PCDHAC1: variants seen among roughly 807,000 people sequenced by gnomAD.
PCDHAC1 encodes protocadherin alpha-C1.
A neutral mutation model predicts 60.0 loss-of-function variants in PCDHAC1; 42 were observed. The ratio of observed to expected loss-of-function variants is 0.70; its 90% CI spans 0.55 to 0.90. The LOEUF is 0.90. Among genes scored for constraint, PCDHAC1 ranks in the 40% least tolerant of loss-of-function variants. The probability of loss-of-function intolerance (pLI) is 0.00; values close to 1 mark genes in which losing one functional copy is unlikely to be tolerated. For synonymous variants in PCDHAC1, 468 were observed against 499.3 expected (o/e 0.94, Z 0.84); for missense variants, 1,160 against 1,222.3 (o/e 0.95, Z 0.76).
At chr5:140,972,316 G>T (rs2096531069) in intron 1 of PCDHAC1, among the ~76,000 whole-genome samples, 2 of 139,864 alleles carry the variant, frequency 1.4e-5, no homozygotes, top group South Asian at 2.3e-4. Flanking sequence ...GTTTTTAGGT[G>T]TTTTTTTTTT....
chr5:140,988,658 T>C (rs1470835683), intron 3 of PCDHAC1, among the ~76,000 whole-genome samples: 7 of 152,232 alleles, frequency 4.6e-5, no homozygotes, highest in African/African-American at 9.6e-5. Flanking sequence ...TTTTTGTTTA[T>C]GAATAGACTC....
At chr5:140,992,761 A>G (rs1400429465) in intron 3 of PCDHAC1, among the ~76,000 whole-genome samples, 1 of 152,180 alleles carries the variant, frequency 6.6e-6, no homozygotes, top group African/African-American at 2.4e-5. Flanking sequence ...TGTTGGGGAT[A>G]GGAGGGTGGG....
rs782194525 is a variant in PCDHAC1 at position 140,927,807 on chromosome 5, C to T, written c.915C>T (p.Leu305=). The T allele has an allele frequency of 8.7e-6, 14 of 1,614,088 alleles. No homozygotes were observed. In the African/African-American group the frequency reaches 1.3e-4, roughly 15 times the overall value. ...VAASLGPPET[L]LEAYIEARDE... Reference sequence around the variant, plus strand: ...CTTCACTAGGTCCGCCTGAAACGCTCTTGGAGGCATACATTGAGGCGAGGG... The same window carrying T: ...CTTCACTAGGTCCGCCTGAAACGCTTTTGGAGGCATACATTGAGGCGAGGG... Residue 305 remains leucine (L), a synonymous_variant, in exon 1 of 4, where the codon CTC becomes CTT. Coordinates refer to ENST00000253807, the MANE Select transcript of PCDHAC1 (RefSeq NM_018898.5).
At position 140,926,738 on chromosome 5, in the gene PCDHAC1, G is replaced by T; in HGVS notation, c.-155G>T. ...CCGGCAATGCCGGCGTTCGGGAGGC[G>T]CAACGTCGGCGGTCGCTGAGTATCC... On this transcript the variant is annotated 5_prime_UTR_variant, in exon 1 of 4. Transcript: ENST00000253807. The T allele has an allele frequency of 8.6e-7, 1 of 1,162,106 alleles. No homozygotes were observed. The highest frequency in any genetic ancestry group is 1.1e-6 in the Non-Finnish European group (1 of 889,710). The allele number at this position is 1,162,106 out of a possible 1,614,324, so 72.0% of individuals were successfully genotyped here. A position where few individuals can be genotyped will look rare whatever the true frequency, so the allele number is the denominator to read the frequency against.
chr5:140,962,036 A>G (rs761594563), intron 1 of PCDHAC1, among the ~76,000 whole-genome samples: 10 of 151,802 alleles, frequency 6.6e-5, no homozygotes, highest in Non-Finnish European at 1.2e-4. Flanking sequence ...GGCACCCACC[A>G]CCATGCCTGG....
At chr5:140,996,596 C>G (rs1343501273) in intron 3 of PCDHAC1, among the ~76,000 whole-genome samples, 1 of 152,156 alleles carries the variant, frequency 6.6e-6, no homozygotes. Flanking sequence ...CCGCCTCCCC[C>G]CATTTTCATT....
chr5:140,951,833 A>G (rs2094641584), intron 1 of PCDHAC1, among the ~76,000 whole-genome samples: 1 of 152,190 alleles, frequency 6.6e-6, no homozygotes, highest in Admixed American at 6.5e-5. Flanking sequence ...TCATTCCAGC[A>G]TTAAGCCAAA....
chr5:140,982,299 T>C, intron 2 of PCDHAC1, 176 bp from the exon 3 acceptor site: 1 of 1,200,862 alleles, frequency 8.3e-7, no homozygotes, highest in South Asian at 1.7e-5. Flanking sequence ...AAGTCAGCAA[T>C]GCTTCTGCAG....
intron 2 of PCDHAC1, among the ~76,000 whole-genome samples, chr5:140,982,179 T>C (rs950269342): frequency 6.6e-6 from 1 of 152,396 alleles, no homozygotes. Flanking sequence ...CTTAGTCCTC[T>C]GATGGGCTTC....
chr5:140,976,887 C>T (rs933700917), intron 1 of PCDHAC1, among the ~76,000 whole-genome samples: 2 of 152,150 alleles, frequency 1.3e-5, no homozygotes, highest in Non-Finnish European at 2.9e-5. Flanking sequence ...AATTAGGATA[C>T]ATGCAACAGT....
intron 3 of PCDHAC1, among the ~76,000 whole-genome samples, chr5:140,992,665 T>A (rs1219714191): frequency 2.6e-5 from 4 of 152,096 alleles, no homozygotes; most frequent in Non-Finnish European, 5.9e-5. Context: ...CTGATTGGTG[T>A]GTATGTGTGT....
At chr5:140,981,643 G>A (rs998815671) in intron 2 of PCDHAC1, among the ~76,000 whole-genome samples, 3 of 151,992 alleles carry the variant, frequency 2.0e-5, no homozygotes, top group African/African-American at 7.3e-5. Context: ...TTTTCTCTTA[G>A]GATCCCACTT....
chr5:141,009,563 C>T (rs1588242901), intron 3 of PCDHAC1, 64 bp from the exon 4 acceptor site: 2 of 1,571,920 alleles, frequency 1.3e-6, no homozygotes, highest in Non-Finnish European at 1.7e-6. Flanking sequence ...TGTACTCTAC[C>T]AGCAGTGTGG....
intron 3 of PCDHAC1, among the ~76,000 whole-genome samples, chr5:140,985,145 G>A (rs2097138679): frequency 6.6e-6 from 1 of 152,080 alleles, no homozygotes; most frequent in South Asian, 2.1e-4. Context: ...CACCGTGTTA[G>A]CCAGGATTGT....
chr5:140,926,783 C>G lies in PCDHAC1; in HGVS notation c.-110C>G, dbSNP rs1230665699. 5.0e-6 allele frequency: 7 copies of G among 1,410,188 alleles called. No homozygotes were observed. The African/African-American group carries it at 7.3e-5, about 15-fold the overall frequency. The allele number at this position is 1,410,188 out of a possible 1,614,324, so 87.4% of individuals were successfully genotyped here. On this transcript the variant is annotated 5_prime_UTR_variant, in exon 1 of 4. Transcript: ENST00000253807. The stretch of plus-strand genomic sequence containing the variant: ...GTATCCAGCCCGCAGCAGTGACGGC[C>G]GGCAGGAGCGTGCTCTTCCCCGCGG...
intron 1 of PCDHAC1, among the ~76,000 whole-genome samples, chr5:140,971,002 C>A (rs2096450018): frequency 6.6e-6 from 1 of 152,136 alleles, no homozygotes; most frequent in Non-Finnish European, 1.5e-5. Context: ...CAAAGAGTTT[C>A]CAGAAGTCTT....
intron 1 of PCDHAC1, among the ~76,000 whole-genome samples, chr5:140,971,478 A>C (rs111781444): frequency 3.5e-4 from 53 of 152,260 alleles, no homozygotes; most frequent in African/African-American, 1.3e-3. Flanking sequence ...AGAGAGTGTC[A>C]CATTGTTACA....
chr5:140,969,305 A>C (rs1481597194), intron 1 of PCDHAC1: 1 of 1,614,206 alleles, frequency 6.2e-7, no homozygotes, highest in East Asian at 2.2e-5. Flanking sequence ...GATTATTCTC[A>C]AAAATGAGGC....
intron 1 of PCDHAC1, among the ~76,000 whole-genome samples, chr5:140,957,650 C>T (rs1239447979): frequency 1.3e-5 from 2 of 151,848 alleles, no homozygotes; most frequent in Non-Finnish European, 2.9e-5. Flanking sequence ...CTTAAATATT[C>T]AATCATGGAG....
Sources: gnomAD v4.1 joint callset for allele counts (sites outside exome capture counted in the v4.1 genomes callset) on GRCh38, gnomAD v4.1.1 for gene constraint, MANE v1.5 for transcripts, NCBI Gene and HGNC (gene_info 2026-07-23, HGNC 2026-07-21) for gene names.